ATP1A3: variants seen among roughly 807,000 people sequenced by gnomAD.
The protein encoded by ATP1A3 is ATPase Na+/K+ transporting subunit alpha 3, also known as sodium/potassium-transporting ATPase subunit alpha-3.
ATP1A3 carries 12 observed loss-of-function variants against 108.8 expected under a neutral mutation model. The observed-to-expected ratio is 0.11, with a 90% CI of 0.07 to 0.18. The LOEUF is 0.18. Among genes scored for constraint, ATP1A3 ranks in the 10% least tolerant of loss-of-function variants. The pLI is 1.00. For synonymous variants in ATP1A3, 539 were observed against 564.5 expected (o/e 0.95, Z 0.64); for missense variants, 498 against 1,387.7 (o/e 0.36, Z 10.19).
chr19:41,975,544 C>T (rs1325431817), intron 16 of ATP1A3, 85 bp downstream of exon 16: 3 of 1,574,862 alleles, frequency 1.9e-6, no homozygotes, highest in African/African-American at 2.7e-5. Context: ...CCACACATCC[C>T]CCTGCAGCCC....
chr19:41,978,722 A>AGGATG lies in ATP1A3; in HGVS notation c.1509_1513dup (p.Leu505ProfsTer22). 6.2e-7 allele frequency: 1 copy of AGGATG among 1,614,146 alleles called. No homozygotes were observed. The highest frequency in any genetic ancestry group is 8.5e-7 in the Non-Finnish European group (1 of 1,180,002). ...TAGCAGGATGGTGGAGCAGCGGTCC[A>AGGATG]GGATGCGCTCGGGGGCACCCTTCAT... On this transcript the variant is annotated frameshift_variant, in exon 12 of 23. Coordinates refer to ENST00000648268, the MANE Select transcript of ATP1A3 (RefSeq NM_152296.5). LOFTEE classifies it high-confidence loss of function. The surrounding 1 kb of genome is among the most constrained non-coding windows in gnomAD (Gnocchi z 8.3).
chr19:41,983,082 CTT>C (rs536874696), intron 8 of ATP1A3, among the ~76,000 whole-genome samples: 1 of 146,730 alleles, frequency 6.8e-6, no homozygotes, highest in African/African-American at 2.5e-5. Context: ...AAACAGTAAA[CTT>C]TTTTTTTTTT....
intron 16 of ATP1A3, among the ~76,000 whole-genome samples, chr19:41,972,554 C>T (rs2075120594): frequency 6.6e-6 from 1 of 152,138 alleles, no homozygotes; most frequent in Non-Finnish European, 1.5e-5. Context: ...ATCACGAGGT[C>T]AGGAGATCGA....
rs2075056780 is a variant in ATP1A3 at position 41,967,532 on chromosome 19, C to CG, written c.2921+129dup. 13 of 1,182,460 alleles carry CG rather than the reference C, an allele frequency of 1.1e-5. No individual in the cohort carries two copies. The highest frequency in any genetic ancestry group is 1.3e-5 in the Non-Finnish European group (11 of 834,510). The allele number at this position is 1,182,460 out of a possible 1,614,324, so 73.2% of individuals were successfully genotyped here. ...GTGGGAGCAGCCTATGGGGGAGGCT[C>CG]GGGGGCATCAGAATGGGGACTGCAG... On this transcript the variant is annotated intron_variant, in intron 21 of 22. Transcript: ENST00000648268. The surrounding 1 kb of genome is among the most constrained non-coding windows in gnomAD (Gnocchi z 4.2).
intron 11 of ATP1A3, among the ~76,000 whole-genome samples, chr19:41,979,488 A>G (rs186582715): frequency 2.0e-5 from 3 of 151,588 alleles, no homozygotes; most frequent in South Asian, 2.1e-4. Flanking sequence ...CTAATTTTTT[A>G]TAGAGACATG....
chr19:41,989,043 G>A (rs2075311955), intron 1 of ATP1A3, among the ~76,000 whole-genome samples: 1 of 152,044 alleles, frequency 6.6e-6, no homozygotes. Flanking sequence ...AGGCTCAGGT[G>A]ATCCTCCCGC....
intron 19 of ATP1A3, 62 bp downstream of exon 19, chr19:41,969,372 GC>G (rs2075077654): frequency 1.2e-6 from 2 of 1,612,374 alleles, no homozygotes; most frequent in South Asian, 2.2e-5. Flanking sequence ...GCCATGCATG[GC>G]TGGAACAGCT....
At chr19:41,986,490 T>C in intron 4 of ATP1A3, 1 of 378,330 alleles carries the variant, frequency 2.6e-6, no homozygotes, top group Non-Finnish European at 5.1e-6. Flanking sequence ...TCGCCCAGGC[T>C]GGAGTGCAAT....
intron 1 of ATP1A3, among the ~76,000 whole-genome samples, chr19:41,992,246 C>G (rs2075347391): frequency 6.6e-6 from 1 of 152,196 alleles, no homozygotes. Context: ...CCTGCTTGCC[C>G]TTGACACAGC....
chr19:41,978,250 G>T lies in ATP1A3; in HGVS notation c.1707C>A (p.Thr569=), dbSNP rs782081809. The T allele has an allele frequency of 8.7e-6, 14 of 1,613,968 alleles. No individual in the cohort carries two copies. In the East Asian group the frequency reaches 2.9e-4, roughly 33 times the overall value. Residue 569 remains threonine (T), a synonymous_variant, in exon 13 of 23, where the codon ACC becomes ACA. Coordinates refer to ENST00000648268, the MANE Select transcript of ATP1A3 (RefSeq NM_152296.5). The surrounding 1 kb of genome is among the most constrained non-coding windows in gnomAD (Gnocchi z 8.3). ...FAFDCDDVNF[T]TDNLCFVGLM... ...GGCCCACAAAGCAGAGGTTGTCCGT[G>T]GTGAAGTTCACGTCATCACAGTCGA...
In ATP1A3 at chr19:41,985,053, G is replaced by A. The variant is rs368998149; in HGVS notation, c.858C>T (p.Thr286=). 3.3e-5 allele frequency: 53 copies of A among 1,613,750 alleles called. No homozygotes were observed. Among genetic ancestry groups the A allele is most frequent in the Admixed American group, 8.3e-5 (5 of 59,930 alleles). Residue 286 remains threonine (T), a synonymous_variant, in exon 8 of 23, where the codon ACC becomes ACT. Transcript: ENST00000648268. This position sits in a 1 kb window ranked among gnomAD's most constrained non-coding sequence, Gnocchi z 8.2. ...IEIEHFIQLI[T]GVAVFLGVSF... ...AGACACCCAGGAAGACAGCCACGCC[G>A]GTGATGAGCTGGATGAAGTGCTCAA...
chr19:41,977,829 C>T, intron 14 of ATP1A3, 107 bp downstream of exon 14: 1 of 1,513,148 alleles, frequency 6.6e-7, no homozygotes, highest in Non-Finnish European at 8.9e-7. Flanking sequence ...GGAGGAGTCC[C>T]AGAAAGAATG....
intron 1 of ATP1A3, chr19:41,993,503 ACAC>A: frequency 9.6e-4 from 2 of 2,084 alleles, no homozygotes; most frequent in Non-Finnish European, 1.4e-3. Context: ...CGGAGCCTGC[ACAC>A]ACACACACAC....
rs1285215442 is a variant in ATP1A3, at chr19:41,967,575, G to T, written c.2921+87C>A. On this transcript the variant is annotated intron_variant, in intron 21 of 22. Transcript: ENST00000648268. This position sits in a 1 kb window ranked among gnomAD's most constrained non-coding sequence, Gnocchi z 4.2. Reference sequence around the variant, plus strand: ...GACTGCAGTGGGGACACCAGGGGAGGTGGGGCCTGAGGTTCAGGCTGAGTC... The same window carrying T: ...GACTGCAGTGGGGACACCAGGGGAGTTGGGGCCTGAGGTTCAGGCTGAGTC... 2.8e-6 allele frequency: 4 copies of T among 1,414,086 alleles called. No individual in the cohort carries two copies. The African/African-American group carries it at 4.2e-5, about 15-fold the overall frequency. 87.6% of individuals were successfully genotyped at this position (1,414,086 alleles called of 1,614,324 possible).
Position 41,970,270 on chromosome 19 carries a change from G to A in ATP1A3, c.2457C>T (p.Ser819=), listed in dbSNP as rs374697524. 22 of 1,614,166 alleles carry A rather than the reference G, an allele frequency of 1.4e-5. No homozygotes were observed. The highest frequency in any genetic ancestry group is 1.6e-4 in the Middle Eastern group (1 of 6,062). ...TCCTGGGCTGTCTCTTCATGATGTC[G>A]CTTTCGGCAGCCTCGTACGCCAGTG... The part of the protein sequence containing the change: ...AISLAYEAAE[S]DIMKRQPRNP... The change falls in exon 18 of 23, where the codon AGC becomes AGT. Residue 819 remains serine, a synonymous_variant. Transcript: ENST00000648268.
In ATP1A3 at chr19:41,994,091, G is replaced by A. The variant is rs782021368; in HGVS notation, c.-15C>T. 11 of 1,593,674 alleles carry A rather than the reference G, an allele frequency of 6.9e-6. No homozygotes were observed. Among genetic ancestry groups the A allele is most frequent in the Non-Finnish European group, 8.5e-6 (10 of 1,173,216 alleles). ...CCTACCCCCATCTTGGCGGCTCCGC[G>A]GCGAGAGAGCCAGGCGGGCGGGGCG... On this transcript the variant is annotated 5_prime_UTR_variant, in exon 1 of 23. Transcript: ENST00000648268.
chr19:41,981,451 G>A lies in ATP1A3; in HGVS notation c.1437+51C>T, dbSNP rs532269616. On this transcript the variant is annotated intron_variant, in intron 11 of 22. Transcript: ENST00000648268. This position sits in a 1 kb window ranked among gnomAD's most constrained non-coding sequence, Gnocchi z 5.0. ...GGCTCTATGACACCTCTTTACAGGC[G>A]TCATAAGGAACCTGAGGTCCAGGCT... The A allele has an allele frequency of 3.2e-5, 51 of 1,613,682 alleles. No homozygotes were observed. The highest frequency in any genetic ancestry group is 2.5e-4 in the South Asian group (23 of 90,978).
rs782402409 is a variant in ATP1A3 at position 41,984,891 on chromosome 19, C to A, written c.993+27G>T. 2.5e-6 allele frequency: 4 copies of A among 1,602,656 alleles called. No homozygotes were observed. In the South Asian group the frequency reaches 4.5e-5, roughly 18 times the overall value. ...GGAGCCCAGACCCCCAGGCCCTCCC[C>A]ACCCAGACCCAGGAGCCTGGCCTTA... On this transcript the variant is annotated intron_variant, in intron 8 of 22. Coordinates refer to ENST00000648268, the MANE Select transcript of ATP1A3 (RefSeq NM_152296.5).
Position 41,988,584 on chromosome 19 carries a change from G to A in ATP1A3, c.7-22C>T. ...TGTCCTGCGAGGTGGCGATACGATAGCTGTCAGAGCCACCAGACTGCGGGC... is the reference window on the plus strand; with the variant it reads ...TGTCCTGCGAGGTGGCGATACGATAACTGTCAGAGCCACCAGACTGCGGGC... On this transcript the variant is annotated intron_variant, in intron 1 of 22. Coordinates refer to ENST00000648268, the MANE Select transcript of ATP1A3 (RefSeq NM_152296.5). The surrounding 1 kb of genome is among the most constrained non-coding windows in gnomAD (Gnocchi z 5.3). 1 of 1,614,096 alleles carries A rather than the reference G, an allele frequency of 6.2e-7. No homozygotes were observed. The highest frequency in any genetic ancestry group is 8.5e-7 in the Non-Finnish European group (1 of 1,180,044).
Sources: gnomAD v4.1 joint callset for allele counts (sites outside exome capture counted in the v4.1 genomes callset) on GRCh38, gnomAD v4.1.1 for gene constraint, Gnocchi (gnomAD v3.1) non-coding constraint, MANE v1.5 for transcripts, NCBI Gene and HGNC (gene_info 2026-07-23, HGNC 2026-07-21) for gene names.